JPH3: variants seen among roughly 807,000 people sequenced by gnomAD.
JPH3 encodes the protein junctophilin-3.
JPH3 carries 11 observed loss-of-function variants against 59.6 expected under a neutral mutation model. The observed-to-expected ratio is 0.18, with a 90% CI of 0.12 to 0.31. The LOEUF is 0.31. Ranked by LOEUF, JPH3 falls within the 10% of genes least tolerant of loss-of-function variation. The pLI is 1.00. For synonymous variants in JPH3, 673 were observed against 483.6 expected, an observed-to-expected ratio of 1.39 and a Z score of -5.14; for missense variants, 1,202 against 1,105.7, an observed-to-expected ratio of 1.09 and a Z score of -1.24.
intron 4 of JPH3, among the ~76,000 whole-genome samples, chr16:87,691,035 G>T (rs117037877): frequency 2.0e-5 from 3 of 151,894 alleles, no homozygotes; most frequent in African/African-American, 7.3e-5. Context: ...GGTTGGAGCC[G>T]GCTCCCACGT....
intron 2 of JPH3, among the ~76,000 whole-genome samples, chr16:87,653,392 C>T (rs756936171): frequency 2.6e-5 from 4 of 152,090 alleles, no homozygotes; most frequent in South Asian, 2.1e-4. Flanking sequence ...GTGAGGGATC[C>T]CTGCTGGCCA....
rs75152471 is a variant in JPH3, at chr16:87,692,584, G to C, written c.2166+2058G>C. Among the ~76,000 whole-genome samples the C allele has an allele frequency of 4.8e-3, 549 of 113,526 alleles. 13 individuals are homozygous for C. The East Asian group carries it at 0.065, about 14-fold the overall frequency. The allele number at this position is 113,526 out of a possible 152,430, so 74.5% of individuals were successfully genotyped here. A position where few individuals can be genotyped will look rare whatever the true frequency, so the allele number is the denominator to read the frequency against. Reference sequence around the variant, plus strand: ...GGCCACAGATGGGCCTGGGATTCTAGCCCACATAGGGTCCCACTGGCCACA... The same window carrying C: ...GGCCACAGATGGGCCTGGGATTCTACCCCACATAGGGTCCCACTGGCCACA... On this transcript the variant is annotated intron_variant, in intron 4 of 4. Coordinates refer to ENST00000284262, the MANE Select transcript of JPH3 (RefSeq NM_020655.4).
chr16:87,643,227 CT>C (rs1280500581), intron 1 of JPH3, among the ~76,000 whole-genome samples: 1 of 152,220 alleles, frequency 6.6e-6, no homozygotes, highest in Non-Finnish European at 1.5e-5. Context: ...AATGTTCTAC[CT>C]TTTCAAGGCT....
chr16:87,680,851 C>T (rs2033271390), intron 2 of JPH3, among the ~76,000 whole-genome samples: 1 of 152,124 alleles, frequency 6.6e-6, no homozygotes, highest in Admixed American at 6.5e-5. Flanking sequence ...TACGTGTGAA[C>T]GTATATATGT....
chr16:87,689,686 C>G lies in JPH3; in HGVS notation c.1326C>G (p.Asp442Glu). ...YQRPKRQTSC[D>E]DIEVLSTGTP... is the part of the protein sequence containing the mutation. The stretch of plus-strand genomic sequence containing the variant: ...GGCCGAAGCGTCAGACCTCCTGTGA[C>G]GACATCGAGGTGCTGTCCACCGGGA... The change falls in exon 4 of 5, where the codon GAC becomes GAG. Residue 442 changes from aspartate (D) to glutamate (E), a missense_variant. Transcript: ENST00000284262. 1 of 1,612,314 alleles carries G rather than the reference C, an allele frequency of 6.2e-7. No individual in the cohort carries two copies. Among genetic ancestry groups the G allele is most frequent in the Non-Finnish European group, 8.5e-7 (1 of 1,179,716 alleles).
intron 1 of JPH3, among the ~76,000 whole-genome samples, chr16:87,610,972 A>G (rs113641839): frequency 2.4e-4 from 37 of 152,228 alleles, no homozygotes; most frequent in Non-Finnish European, 4.7e-4. Context: ...GTCATTGGAG[A>G]AGCATTTGCC....
At position 87,608,911 on chromosome 16, in the gene JPH3, G is replaced by A. The variant is rs973572429; in HGVS notation, c.382+5383G>A. Among the ~76,000 whole-genome samples, 8 of 152,216 alleles carry A rather than the reference G, an allele frequency of 5.3e-5. No homozygotes were observed. The South Asian group carries it at 8.3e-4, about 16-fold the overall frequency. ...AAATTAGCCAGGTGTGGTGCTGCAC[G>A]CCTGTGGTCCCACCACTCAGGAGGC... On this transcript the variant is annotated intron_variant, in intron 1 of 4. Coordinates refer to ENST00000284262, the MANE Select transcript of JPH3 (RefSeq NM_020655.4).
Position 87,636,152 on chromosome 16 carries a change from C to T in JPH3, c.383-8106C>T, listed in dbSNP as rs183078469. 1.4e-3 allele frequency among the ~76,000 whole-genome samples: 211 copies of T among 152,310 alleles called. 1 individual carries two copies. Among genetic ancestry groups the T allele is most frequent in the African/African-American group, 4.6e-3 (193 of 41,574 alleles). On this transcript the variant is annotated intron_variant, in intron 1 of 4. Coordinates refer to ENST00000284262, the MANE Select transcript of JPH3 (RefSeq NM_020655.4). ...AGGTGACCAGTTAGGTTCGATGGGA[C>T]AGGCTTTGGGAATCAGCGGCTTGGG...
At chr16:87,642,963 C>T (rs1255919998) in intron 1 of JPH3, among the ~76,000 whole-genome samples, 3 of 152,210 alleles carry the variant, frequency 2.0e-5, no homozygotes, top group South Asian at 2.1e-4. Context: ...ATTACCTTCA[C>T]GGTGTTAGGT....
At chr16:87,677,225 CAA>C (rs59575544) in intron 2 of JPH3, among the ~76,000 whole-genome samples, 10,968 of 80,846 alleles carry the variant, frequency 0.14, 726 homozygotes, top group South Asian at 0.23. Context: ...CACACACACA[CAA>C]AAAAAAAAAT....
intron 1 of JPH3, among the ~76,000 whole-genome samples, chr16:87,628,424 G>T (rs2031454695): frequency 6.6e-6 from 1 of 152,258 alleles, no homozygotes; most frequent in South Asian, 2.1e-4. Context: ...GTGAGGGAGG[G>T]GCCGGGTGGG....
intron 1 of JPH3, among the ~76,000 whole-genome samples, chr16:87,631,145 C>G (rs921976597): frequency 1.3e-5 from 2 of 152,136 alleles, no homozygotes; most frequent in African/African-American, 4.8e-5. Flanking sequence ...CACAAATGTA[C>G]AAATACGTTT....
At chr16:87,639,255 C>A (rs928208590) in intron 1 of JPH3, among the ~76,000 whole-genome samples, 1 of 152,076 alleles carries the variant, frequency 6.6e-6, no homozygotes, top group Non-Finnish European at 1.5e-5. Flanking sequence ...AGAGGTTAAC[C>A]CAGACATTCC....
chr16:87,648,859 C>A (rs893637997), intron 2 of JPH3, among the ~76,000 whole-genome samples: 5 of 152,212 alleles, frequency 3.3e-5, no homozygotes, highest in Non-Finnish European at 5.9e-5. Flanking sequence ...TTTGTCTCAT[C>A]ATGTCTAGGT....
rs114755907 is a variant in JPH3, at chr16:87,661,063, A to G, written c.1160+16028A>G. Among the ~76,000 whole-genome samples the G allele has an allele frequency of 4.9e-3, 739 of 152,364 alleles. 4 individuals are homozygous for G. Among genetic ancestry groups the G allele is most frequent in the African/African-American group, 0.016 (682 of 41,590 alleles). ...GGACCCAAGTCTAAACACGAAATTTATAATACATAAGTTTCTGGAGGCTCC... is the reference window on the plus strand; with the variant it reads ...GGACCCAAGTCTAAACACGAAATTTGTAATACATAAGTTTCTGGAGGCTCC... On this transcript the variant is annotated intron_variant, in intron 2 of 4. Coordinates refer to ENST00000284262, the MANE Select transcript of JPH3 (RefSeq NM_020655.4).
At chr16:87,649,740 C>T (rs1186266530) in intron 2 of JPH3, among the ~76,000 whole-genome samples, 1 of 152,200 alleles carries the variant, frequency 6.6e-6, no homozygotes, top group Non-Finnish European at 1.5e-5. Context: ...TCCCGTCCCC[C>T]TCCCCACTTT....
intron 2 of JPH3, among the ~76,000 whole-genome samples, chr16:87,657,810 C>A (rs779983238): frequency 6.6e-6 from 1 of 152,190 alleles, no homozygotes; most frequent in Non-Finnish European, 1.5e-5. Context: ...GGCCAAAACT[C>A]GGTTACGTGA....
At chr16:87,613,300 C>T (rs191579376) in intron 1 of JPH3, among the ~76,000 whole-genome samples, 14 of 151,458 alleles carry the variant, frequency 9.2e-5, no homozygotes, top group South Asian at 2.1e-4. Flanking sequence ...GGGGTTTCAC[C>T]GTGTTAGCCA....
rs373854548 is a variant in JPH3 at position 87,667,722 on chromosome 16, C to T, written c.1161-16420C>T. Among the ~76,000 whole-genome samples the T allele has an allele frequency of 2.0e-5, 3 of 152,238 alleles. 1 individual carries two copies. Among genetic ancestry groups the T allele is most frequent in the East Asian group, 1.9e-4 (1 of 5,200 alleles). ...GGAGCTTCCCCTGGTGTAGGATCAA[C>T]ACACTTTTTCTGTCAAGGACTAGAG... On this transcript the variant is annotated intron_variant, in intron 2 of 4. Transcript: ENST00000284262.
Sources: allele counts gnomAD v4.1 joint callset (sites outside exome capture counted in the v4.1 genomes callset), GRCh38; gene constraint gnomAD v4.1.1; transcripts MANE v1.5; gene names NCBI Gene and HGNC (gene_info 2026-07-23, HGNC 2026-07-21).